CRYBG1: variants seen among roughly 807,000 people sequenced by gnomAD.
CRYBG1 encodes crystallin beta-gamma domain containing 1.
A neutral mutation model predicts 189.2 loss-of-function variants in CRYBG1; 139 were observed. The ratio of observed to expected loss-of-function variants is 0.73; its 90% CI spans 0.64 to 0.85. The LOEUF is 0.85. CRYBG1 is among the 40% of genes least tolerant of loss of function. The pLI, the probability that CRYBG1 is intolerant of heterozygous loss-of-function variation, is 0.00. For synonymous variants in CRYBG1, 1,023 were observed against 1,017.1 expected (o/e 1.01, Z -0.11); for missense variants, 2,611 against 2,675.8 (o/e 0.98, Z 0.53).
intron 2 of CRYBG1, among the ~76,000 whole-genome samples, chr6:106,498,186 G>T (rs113591159): frequency 1.0e-3 from 158 of 151,842 alleles, no homozygotes; most frequent in African/African-American, 3.7e-3. Flanking sequence ...CATAGTCAAT[G>T]CCATTAGAAA....
At chr6:106,467,221 G>A in intron 2 of CRYBG1, among the ~76,000 whole-genome samples, 1 of 152,170 alleles carries the variant, frequency 6.6e-6, no homozygotes, top group Non-Finnish European at 1.5e-5. Context: ...CCAGCACTTT[G>A]GGAGGCTGAG....
At position 106,452,591 on chromosome 6, in the gene CRYBG1, A is replaced by G. The variant is rs371234913; in HGVS notation, c.312+759A>G. Among the ~76,000 whole-genome samples, 11 of 152,278 alleles carry G rather than the reference A, an allele frequency of 7.2e-5. No homozygotes were observed. The South Asian group carries it at 1.9e-3, about 26-fold the overall frequency. On this transcript the variant is annotated intron_variant, in intron 2 of 21. Coordinates refer to ENST00000633556, the MANE Select transcript of CRYBG1 (RefSeq NM_001371242.2). Reference sequence around the variant, plus strand: ...GATTAATATGATGTCAATATTTGGAATTAATTGTTCTTTCCTATAAAAAGC... The same window carrying G: ...GATTAATATGATGTCAATATTTGGAGTTAATTGTTCTTTCCTATAAAAAGC...
chr6:106,444,052 GA>G (rs1227772451), intron 1 of CRYBG1, among the ~76,000 whole-genome samples: 1 of 152,050 alleles, frequency 6.6e-6, no homozygotes, highest in East Asian at 1.9e-4. Context: ...AATATCACCA[GA>G]AGCTTTGTTT....
chr6:106,532,208 A>C (rs1773889519), intron 8 of CRYBG1, among the ~76,000 whole-genome samples: 1 of 152,156 alleles, frequency 6.6e-6, no homozygotes, highest in Non-Finnish European at 1.5e-5. Flanking sequence ...TGAAATATAA[A>C]ATATATTATT....
At chr6:106,433,976 G>T (rs1582760321) in intron 1 of CRYBG1, among the ~76,000 whole-genome samples, 1 of 151,918 alleles carries the variant, frequency 6.6e-6, no homozygotes, top group Middle Eastern at 3.4e-3. Flanking sequence ...ATTGGTTGCA[G>T]CTCAGGTTCT....
In CRYBG1 at chr6:106,440,119, T is replaced by C. The variant is rs560888259; in HGVS notation, c.174-11575T>C. On this transcript the variant is annotated intron_variant, in intron 1 of 21. Coordinates refer to ENST00000633556, the MANE Select transcript of CRYBG1 (RefSeq NM_001371242.2). ...TGGTGGCTTTCCCCTTCCAGGGCTG[T>C]GCACCTGCTGTGCTGCCTCTCTTCT... Among the ~76,000 whole-genome samples, 9 of 152,304 alleles carry C rather than the reference T, an allele frequency of 5.9e-5. No individual in the cohort carries two copies. In the East Asian group the frequency reaches 1.7e-3, roughly 29 times the overall value.
chr6:106,466,136 T>TA (rs934002141), intron 2 of CRYBG1, among the ~76,000 whole-genome samples: 1 of 152,168 alleles, frequency 6.6e-6, no homozygotes, highest in Non-Finnish European at 1.5e-5. Flanking sequence ...TCATATTCTT[T>TA]AAAAAAGGAT....
chr6:106,440,269 T>TCTCTC (rs894820555), intron 1 of CRYBG1, among the ~76,000 whole-genome samples: 164 of 53,684 alleles, frequency 3.1e-3, no homozygotes, highest in African/African-American at 9.6e-3. Context: ...TCTCTCTCTC[T>TCTCTC]TTTTTTTTCT....
intron 16 of CRYBG1, among the ~76,000 whole-genome samples, chr6:106,555,340 G>A (rs1774510177): frequency 6.6e-6 from 1 of 152,038 alleles, no homozygotes; most frequent in Non-Finnish European, 1.5e-5. Flanking sequence ...TTAGAAATGA[G>A]GATAGAGGAG....
chr6:106,513,172 AG>A, intron 3 of CRYBG1, 133 bp downstream of exon 3: 1 of 1,129,758 alleles, frequency 8.9e-7, no homozygotes, highest in Non-Finnish European at 1.2e-6. Context: ...GCTGAACTTA[AG>A]ATAGTGAAGG....
intron 1 of CRYBG1, among the ~76,000 whole-genome samples, chr6:106,434,798 A>C (rs951311383): frequency 1.3e-5 from 2 of 152,266 alleles, no homozygotes; most frequent in African/African-American, 2.4e-5. Context: ...TTAGTGTGCT[A>C]AGCCCTGATG....
At chr6:106,367,469 C>A (rs1334914763) in intron 1 of CRYBG1, among the ~76,000 whole-genome samples, 1 of 151,658 alleles carries the variant, frequency 6.6e-6, no homozygotes, top group Non-Finnish European at 1.5e-5. Flanking sequence ...CGCCTGTAAT[C>A]CCGTCTACTT....
chr6:106,454,386 C>G (rs1771844347), intron 2 of CRYBG1, among the ~76,000 whole-genome samples: 1 of 152,218 alleles, frequency 6.6e-6, no homozygotes, highest in South Asian at 2.1e-4. Flanking sequence ...CCACTACCAC[C>G]TCCCTGGCCA....
chr6:106,418,093 C>T (rs1771059073), intron 1 of CRYBG1, among the ~76,000 whole-genome samples: 1 of 152,210 alleles, frequency 6.6e-6, no homozygotes, highest in Admixed American at 6.5e-5. Context: ...GACAATAAAA[C>T]AGTGAGCAAA....
intron 2 of CRYBG1, among the ~76,000 whole-genome samples, chr6:106,465,422 T>C (rs1484229733): frequency 1.3e-5 from 2 of 152,206 alleles, no homozygotes; most frequent in Non-Finnish European, 2.9e-5. Context: ...GATTAGATAG[T>C]GCTCTGTGGA....
Position 106,519,758 on chromosome 6 carries a change from G to A in CRYBG1, c.2550G>A (p.Thr850=), listed in dbSNP as rs78897604. The change falls in exon 4 of 22, where the codon ACG becomes ACA. Residue 850 remains threonine (T), a synonymous_variant. Transcript: ENST00000633556. ...TGGATACCAAAGATTTACCTCCAAC[G>A]GCCATGCCAAAGCCACAGCATACAT... The part of the protein sequence containing the change: ...TTVDTKDLPP[T]AMPKPQHTFS... The A allele has an allele frequency of 1.8e-4, 295 of 1,614,118 alleles. 2 individuals carry two copies. In the African/African-American group the frequency reaches 3.2e-3, roughly 17 times the overall value.
chr6:106,463,250 AAAC>A lies in CRYBG1; in HGVS notation c.312+11425_312+11427del, dbSNP rs372994267. On this transcript the variant is annotated intron_variant, in intron 2 of 21. Coordinates refer to ENST00000633556, the MANE Select transcript of CRYBG1 (RefSeq NM_001371242.2). ...CCTGAGGCAGGAAAGAAAAAAAAAA[AAAC>A]AACAACTTCTGTCCTACTTTGTAAA... Among the ~76,000 whole-genome samples, 1,331 of 152,188 alleles carry A rather than the reference AAAC, an allele frequency of 8.7e-3. 27 individuals carry two copies. Among genetic ancestry groups the A allele is most frequent in the African/African-American group, 0.031 (1,278 of 41,510 alleles).
intron 1 of CRYBG1, among the ~76,000 whole-genome samples, chr6:106,369,654 G>A (rs1389011170): frequency 6.6e-6 from 1 of 152,210 alleles, no homozygotes; most frequent in Non-Finnish European, 1.5e-5. Context: ...TAAGAAAATA[G>A]AGGAAGCATG....
intron 1 of CRYBG1, among the ~76,000 whole-genome samples, chr6:106,395,511 T>C (rs1770587027): frequency 6.6e-6 from 1 of 152,054 alleles, no homozygotes; most frequent in Non-Finnish European, 1.5e-5. Flanking sequence ...ATTTTAATGC[T>C]ATATCTTCTA....
Sources: allele counts gnomAD v4.1 joint callset (sites outside exome capture counted in the v4.1 genomes callset), GRCh38; gene constraint gnomAD v4.1.1; transcripts MANE v1.5; gene names NCBI Gene and HGNC (gene_info 2026-07-23, HGNC 2026-07-21).